The following NRG3 variants were observed in gnomAD, a reference collection of about 807,000 sequenced individuals.
NRG3 encodes pro-neuregulin-3, membrane-bound isoform.
Under a neutral mutation model 66.9 loss-of-function variants are expected in NRG3, and 31 were observed. The ratio of observed to expected loss-of-function variants is 0.46; its 90% CI spans 0.35 to 0.63. The LOEUF is 0.63. NRG3 is among the 20% of genes least tolerant of loss of function. The pLI is 0.00. For missense variants in NRG3, 910 were observed against 878.9 expected (o/e 1.04, Z -0.45); for synonymous variants, 393 against 359.4 (o/e 1.09, Z -1.06).
intron 2 of NRG3, among the ~76,000 whole-genome samples, chr10:82,680,703 C>G (rs2054048857): frequency 6.6e-6 from 1 of 152,162 alleles, no homozygotes; most frequent in Admixed American, 6.6e-5. Context: ...CAATGCAGCT[C>G]AATATGATCC....
At chr10:82,209,503 A>G (rs1159971965) in intron 1 of NRG3, among the ~76,000 whole-genome samples, 1 of 152,202 alleles carries the variant, frequency 6.6e-6, no homozygotes, top group Non-Finnish European at 1.5e-5. Flanking sequence ...TTATTTAATA[A>G]CCATCCCTAT....
intron 1 of NRG3, among the ~76,000 whole-genome samples, chr10:82,263,513 C>T (rs1450036929): frequency 6.6e-6 from 1 of 152,108 alleles, no homozygotes; most frequent in East Asian, 1.9e-4. Flanking sequence ...TTTTGCTGAA[C>T]TGATATAGTA....
At chr10:82,549,186 A>T (rs1434282487) in intron 2 of NRG3, among the ~76,000 whole-genome samples, 2 of 152,222 alleles carry the variant, frequency 1.3e-5, no homozygotes, top group Non-Finnish European at 2.9e-5. Flanking sequence ...AGTAATATAC[A>T]TGTGTAAAAC....
chr10:82,824,598 T>C (rs1372138849), intron 3 of NRG3, among the ~76,000 whole-genome samples: 2 of 152,222 alleles, frequency 1.3e-5, no homozygotes, highest in Non-Finnish European at 2.9e-5. Flanking sequence ...TTGTGATTTT[T>C]ATTTTCCTCT....
intron 1 of NRG3, among the ~76,000 whole-genome samples, chr10:81,887,253 G>A (rs1842684438): frequency 6.6e-6 from 1 of 152,058 alleles, no homozygotes; most frequent in African/African-American, 2.4e-5. Flanking sequence ...CTTATTGAAG[G>A]CAGAGTTTCT....
intron 1 of NRG3, among the ~76,000 whole-genome samples, chr10:82,162,712 A>C (rs2071694895): frequency 6.6e-6 from 1 of 152,130 alleles, no homozygotes; most frequent in Admixed American, 6.6e-5. Context: ...AGCAACGGAG[A>C]TATGTAACTA....
intron 2 of NRG3, among the ~76,000 whole-genome samples, chr10:82,378,915 T>C (rs1389059705): frequency 6.6e-6 from 1 of 152,046 alleles, no homozygotes; most frequent in African/African-American, 2.4e-5. Flanking sequence ...TGGCCTGGTG[T>C]GCTATATCAC....
intron 1 of NRG3, among the ~76,000 whole-genome samples, chr10:82,255,230 TG>T (rs1221300952): frequency 1.3e-5 from 2 of 152,184 alleles, no homozygotes; most frequent in African/African-American, 4.8e-5. Flanking sequence ...ATAAAATACC[TG>T]AACCAGAACT....
chr10:82,579,282 A>G (rs143183528), intron 2 of NRG3, among the ~76,000 whole-genome samples: 124 of 152,018 alleles, frequency 8.2e-4, no homozygotes, highest in African/African-American at 2.9e-3. Flanking sequence ...AAGTTAACAT[A>G]TCATAAATAA....
Position 82,131,584 on chromosome 10 carries a change from G to A in NRG3, c.824-227155G>A, listed in dbSNP as rs539446070. Among the ~76,000 whole-genome samples, 136 of 152,000 alleles carry A rather than the reference G, an allele frequency of 8.9e-4. 1 individual carries two copies. Among genetic ancestry groups the A allele is most frequent in the Non-Finnish European group, 1.6e-3 (106 of 67,918 alleles). On this transcript the variant is annotated intron_variant, in intron 1 of 8. Transcript: ENST00000372141. ...TTCTATTTCTGTGAAGAATGTTATT[G>A]GTATTATGATAGGTGTTCTATCAAA...
chr10:82,381,507 G>A (rs565352309), intron 2 of NRG3, among the ~76,000 whole-genome samples: 3 of 152,212 alleles, frequency 2.0e-5, no homozygotes, highest in South Asian at 2.1e-4. Context: ...GCAAGAAGGC[G>A]ATCAGCCTCC....
At chr10:82,086,116 C>A (rs1296533618) in intron 1 of NRG3, among the ~76,000 whole-genome samples, 1 of 151,002 alleles carries the variant, frequency 6.6e-6, no homozygotes, top group Non-Finnish European at 1.5e-5. Context: ...TATGGAATCA[C>A]AAAAAAAAAT....
chr10:81,875,289 C>CATGCCTCTGCCGCGGCCCT lies in NRG3; in HGVS notation c.-51_-33dup. ...CGCCCGCGCCCGGCCCGCGCGGCCC[C>CATGCCTCTGCCGCGGCCCT]ATGCCTCTGCCGCGGCCCTCGGGGG... On this transcript the variant is annotated 5_prime_UTR_variant, in exon 1 of 9. It adds an upstream start codon to the 5' untranslated region. Coordinates refer to ENST00000372141, the MANE Select transcript of NRG3 (RefSeq NM_001010848.4). The surrounding 1 kb of genome is among the most constrained non-coding windows in gnomAD (Gnocchi z 5.3). 1 of 980,626 alleles carries CATGCCTCTGCCGCGGCCCT rather than the reference C, an allele frequency of 1.0e-6. No individual in the cohort carries two copies. Among genetic ancestry groups the CATGCCTCTGCCGCGGCCCT allele is most frequent in the Non-Finnish European group, 1.2e-6 (1 of 827,936 alleles). The allele number at this position is 980,626 out of a possible 1,614,324, so 60.7% of individuals were successfully genotyped here.
intron 2 of NRG3, among the ~76,000 whole-genome samples, chr10:82,359,252 A>C (rs1239959014): frequency 6.6e-6 from 1 of 152,202 alleles, no homozygotes; most frequent in Non-Finnish European, 1.5e-5. Context: ...AGGAGAAGCA[A>C]ACTGCTCATC....
intron 1 of NRG3, among the ~76,000 whole-genome samples, chr10:82,116,864 T>C (rs1424895114): frequency 6.6e-6 from 1 of 152,110 alleles, no homozygotes; most frequent in Non-Finnish European, 1.5e-5. Context: ...TGAGATTTCT[T>C]CGGTACTCTT....
At chr10:82,077,740 A>G (rs964949369) in intron 1 of NRG3, among the ~76,000 whole-genome samples, 1 of 152,272 alleles carries the variant, frequency 6.6e-6, no homozygotes, top group Non-Finnish European at 1.5e-5. Flanking sequence ...TGTTGCCAAC[A>G]TAACTTTTAC....
At chr10:82,431,019 T>C (rs964719161) in intron 2 of NRG3, among the ~76,000 whole-genome samples, 4 of 152,230 alleles carry the variant, frequency 2.6e-5, no homozygotes, top group Non-Finnish European at 5.9e-5. Context: ...CAGGAATATG[T>C]TAGACCTTTT....
chr10:82,075,798 A>G (rs1253436437), intron 1 of NRG3, among the ~76,000 whole-genome samples: 2 of 152,086 alleles, frequency 1.3e-5, no homozygotes, highest in African/African-American at 4.8e-5. Context: ...GTCTGGGGCA[A>G]CAGGGTAGCA....
chr10:82,356,082 C>T (rs1488270629), intron 1 of NRG3, among the ~76,000 whole-genome samples: 1 of 152,134 alleles, frequency 6.6e-6, no homozygotes, highest in Non-Finnish European at 1.5e-5. Flanking sequence ...TTTGCAGAGC[C>T]ATTGACTTGG....
Sources: gnomAD v4.1 joint callset for allele counts (sites outside exome capture counted in the v4.1 genomes callset) on GRCh38, gnomAD v4.1.1 for gene constraint, Gnocchi (gnomAD v3.1) non-coding constraint, MANE v1.5 for transcripts, NCBI Gene and HGNC (gene_info 2026-07-23, HGNC 2026-07-21) for gene names.